Variants in NMT2 observed in about 807,000 individuals in gnomAD.
NMT2 encodes the protein N-myristoyltransferase 2.
Under a neutral mutation model 65.4 loss-of-function variants are expected in NMT2, and 35 were observed. The ratio of observed to expected loss-of-function variants is 0.54; its 90% CI spans 0.41 to 0.71. NMT2 has a LOEUF of 0.71. NMT2 is among the 30% of genes least tolerant of loss of function. The pLI is 0.00. For missense variants in NMT2, 489 were observed against 611.3 expected, an observed-to-expected ratio of 0.80 and a Z score of 2.11; for synonymous variants, 226 against 231.8, an observed-to-expected ratio of 0.98 and a Z score of 0.23.
chr10:15,164,305 ATCT>A (rs1344597252), intron 1 of NMT2, among the ~76,000 whole-genome samples: 2 of 152,076 alleles, frequency 1.3e-5, no homozygotes, highest in African/African-American at 2.4e-5. Flanking sequence ...TCCTATATAA[ATCT>A]TCTTAGTAGC....
At chr10:15,132,749 G>A in intron 6 of NMT2, 68 bp downstream of exon 6, 2 of 1,189,482 alleles carry the variant, frequency 1.7e-6, no homozygotes, top group Non-Finnish European at 2.4e-6. Flanking sequence ...ACTTTTAAAG[G>A]CCTAATCTAA....
chr10:15,148,120 C>T (rs1410688629), intron 1 of NMT2, among the ~76,000 whole-genome samples: 3 of 152,188 alleles, frequency 2.0e-5, no homozygotes, highest in Non-Finnish European at 4.4e-5. Flanking sequence ...GCTTTGAATC[C>T]TGACTCCACA....
At chr10:15,139,823 A>C (rs1272546319) in intron 2 of NMT2, 1 of 146,168 alleles carries the variant, frequency 6.8e-6, no homozygotes, top group Non-Finnish European at 1.5e-5. Context: ...CTGCATAAGA[A>C]AAAAGGAAAT....
chr10:15,154,675 C>A (rs1832927534), intron 1 of NMT2: 1 of 439,856 alleles, frequency 2.3e-6, no homozygotes, highest in Non-Finnish European at 4.3e-6. Flanking sequence ...AACATGGAAC[C>A]CAAAGGGAAA....
chr10:15,161,768 GA>G (rs1411177692), intron 1 of NMT2, among the ~76,000 whole-genome samples: 1 of 151,996 alleles, frequency 6.6e-6, no homozygotes, highest in East Asian at 1.9e-4. Flanking sequence ...TAATAGTTAA[GA>G]AAAAAGTCTC....
chr10:15,127,587 T>TAAAATAAAATAAAATA (rs113163812), intron 8 of NMT2, among the ~76,000 whole-genome samples: 5 of 87,854 alleles, frequency 5.7e-5, no homozygotes, highest in African/African-American at 2.2e-4. Flanking sequence ...AATAAATAAA[T>TAAAATAAAATAAAATA]AAATAAATAA....
chr10:15,149,046 T>C (rs1458575062), intron 1 of NMT2, among the ~76,000 whole-genome samples: 1 of 152,038 alleles, frequency 6.6e-6, no homozygotes, highest in East Asian at 1.9e-4. Context: ...GCATTGCTGC[T>C]GCCACCACCA....
intron 3 of NMT2, 106 bp downstream of exon 3, chr10:15,135,168 A>G: frequency 1.8e-6 from 2 of 1,121,234 alleles, no homozygotes; most frequent in African/African-American, 1.6e-5. Flanking sequence ...TAAATGATAC[A>G]TGTGAAGTTA....
chr10:15,160,809 T>A (rs1037266314), intron 1 of NMT2, among the ~76,000 whole-genome samples: 4 of 151,648 alleles, frequency 2.6e-5, no homozygotes, highest in Admixed American at 6.6e-5. Flanking sequence ...GATCCCAGCA[T>A]GTGAAAGGAC....
chr10:15,128,041 C>T (rs769972560), intron 8 of NMT2, among the ~76,000 whole-genome samples: 1 of 152,198 alleles, frequency 6.6e-6, no homozygotes, highest in Non-Finnish European at 1.5e-5. Context: ...GATCAGCAGC[C>T]TGGACTTTTC....
chr10:15,124,327 TG>T (rs1846014860), intron 8 of NMT2, among the ~76,000 whole-genome samples: 1 of 152,230 alleles, frequency 6.6e-6, no homozygotes, highest in Non-Finnish European at 1.5e-5. Context: ...CAGTTGTGAA[TG>T]GCGCAGGCCC....
intron 1 of NMT2, among the ~76,000 whole-genome samples, chr10:15,153,170 A>T (rs1211720073): frequency 6.6e-6 from 1 of 152,220 alleles, no homozygotes; most frequent in African/African-American, 2.4e-5. Flanking sequence ...ATGGTGGCTC[A>T]CGCCTGTAAT....
At chr10:15,144,655 CG>C (rs1846897879) in intron 1 of NMT2, among the ~76,000 whole-genome samples, 1 of 152,040 alleles carries the variant, frequency 6.6e-6, no homozygotes, top group Non-Finnish European at 1.5e-5. Context: ...GGCGTGAACC[CG>C]GGAAGCGGAG....
chr10:15,156,810 T>G (rs993304233), intron 1 of NMT2, among the ~76,000 whole-genome samples: 4 of 151,796 alleles, frequency 2.6e-5, no homozygotes, highest in Non-Finnish European at 5.9e-5. Context: ...GCAGGAGAAT[T>G]GCGTGAACCC....
chr10:15,129,976 T>A (rs1026584545), intron 7 of NMT2, among the ~76,000 whole-genome samples, 166 bp downstream of exon 7: 3 of 152,080 alleles, frequency 2.0e-5, no homozygotes, highest in African/African-American at 4.8e-5. Context: ...AACTTTTTTT[T>A]AATCACCAAG....
chr10:15,116,585 T>C (rs757590934), intron 9 of NMT2, among the ~76,000 whole-genome samples: 1 of 151,948 alleles, frequency 6.6e-6, no homozygotes, highest in Non-Finnish European at 1.5e-5. Flanking sequence ...TAGAAATCAA[T>C]GACACTGAAA....
intron 6 of NMT2, 97 bp from the exon 7 acceptor site, chr10:15,130,409 C>A: frequency 1.0e-6 from 1 of 956,522 alleles, no homozygotes; most frequent in South Asian, 2.2e-5. Flanking sequence ...AGGAAATATC[C>A]AAGAATAAGA....
Position 15,133,508 on chromosome 10 carries a change from T to C in NMT2, c.392-145A>G, listed in dbSNP as rs567970953. The C allele has an allele frequency of 4.6e-6, 3 of 648,720 alleles. No homozygotes were observed. In the African/African-American group the frequency reaches 5.4e-5, roughly 12 times the overall value. 40.2% of individuals were successfully genotyped at this position (648,720 alleles called of 1,614,324 possible). A position where few individuals can be genotyped will look rare whatever the true frequency, so the allele number is the denominator to read the frequency against. The stretch of plus-strand genomic sequence containing the variant: ...TTTCAGATAATCTTTAAAAAGATGC[T>C]GTTATATCAAGCGCCTCTGGACTGA... On this transcript the variant is annotated intron_variant, in intron 3 of 11. Coordinates refer to ENST00000378165, the MANE Select transcript of NMT2 (RefSeq NM_004808.3).
At chr10:15,139,276 CTAT>C (rs1846639222) in intron 2 of NMT2, among the ~76,000 whole-genome samples, 1 of 151,404 alleles carries the variant, frequency 6.6e-6, no homozygotes, top group Non-Finnish European at 1.5e-5. Context: ...ATCTATCTAT[CTAT>C]CTATCTATCT....
Sources: gnomAD v4.1 joint callset for allele counts (sites outside exome capture counted in the v4.1 genomes callset) on GRCh38, gnomAD v4.1.1 for gene constraint, MANE v1.5 for transcripts, NCBI Gene and HGNC (gene_info 2026-07-23, HGNC 2026-07-21) for gene names.